UGT2A2: variants seen among roughly 807,000 people sequenced by gnomAD.
UGT2A2 encodes the protein UDP-glucuronosyltransferase 2A2.
In UGT2A2, 60 loss-of-function variants were observed where a neutral mutation model predicts 50.7. That is an observed-to-expected ratio of 1.18 (90% confidence interval 0.96 to 1.47). UGT2A2 has a LOEUF of 1.47. Ranked by LOEUF, UGT2A2 falls within the 40% of genes most tolerant of loss-of-function variation. The probability of loss-of-function intolerance (pLI) is 0.00; values close to 1 mark genes in which losing one functional copy is unlikely to be tolerated. For missense variants in UGT2A2, 762 were observed against 634.0 expected, an observed-to-expected ratio of 1.20 and a Z score of -2.17; for synonymous variants, 242 against 214.6, an observed-to-expected ratio of 1.13 and a Z score of -1.11.
intron 1 of UGT2A2, among the ~76,000 whole-genome samples, chr4:69,609,373 T>G (rs1719891763): frequency 6.6e-6 from 1 of 152,044 alleles, no homozygotes; most frequent in East Asian, 1.9e-4. Flanking sequence ...TTTTTGTTTG[T>G]TTGTGTTGTA....
rs1230904302 is a variant in UGT2A2 at position 69,594,526 on chromosome 4, T to C, written c.1282A>G (p.Thr428Ala). ...AAAGCGCTAAGCAAATCCACACTTG[T>C]CATTGTGTTTAGGTTCACTTCCACA... The part of the protein sequence containing the change: ...AAVEVNLNTM[T>A]SVDLLSALRT... Residue 428 changes from threonine to alanine, a missense_variant, in exon 5 of 6, where the codon ACA becomes GCA. Thr to Ala is a moderately conservative substitution (Grantham distance 58, BLOSUM62 0). Transcript: ENST00000604629. 17 of 1,614,194 alleles carry C rather than the reference T, an allele frequency of 1.1e-5. No homozygotes were observed. Among genetic ancestry groups the C allele is most frequent in the Non-Finnish European group, 1.4e-5 (16 of 1,180,040 alleles).
In UGT2A2 at chr4:69,607,961, C is replaced by A. The variant is rs529169269; in HGVS notation, c.743-8567G>T. ...ATGTCGAGAAATAGGAACACTTTTA[C>A]ACTGTTGGTGGGACTGTAAACTAGT... On this transcript the variant is annotated intron_variant, in intron 1 of 5. Coordinates refer to ENST00000604629, the MANE Select transcript of UGT2A2 (RefSeq NM_001105677.2). Among the ~76,000 whole-genome samples the A allele has an allele frequency of 4.6e-5, 7 of 152,312 alleles. No individual in the cohort carries two copies. The East Asian group carries it at 1.4e-3, about 29-fold the overall frequency.
chr4:69,592,859 T>C (rs547785858), intron 5 of UGT2A2, among the ~76,000 whole-genome samples: 52 of 152,222 alleles, frequency 3.4e-4, no homozygotes, highest in African/African-American at 1.3e-3. Flanking sequence ...TTATCTTAGA[T>C]TAACATTGTT....
intron 1 of UGT2A2, among the ~76,000 whole-genome samples, chr4:69,626,228 C>T (rs1038495993): frequency 1.3e-5 from 2 of 150,788 alleles, no homozygotes; most frequent in South Asian, 2.1e-4. Context: ...CCATTAGAAG[C>T]TTGCGTTTAA....
At chr4:69,612,681 G>A (rs988481485) in intron 1 of UGT2A2, among the ~76,000 whole-genome samples, 2 of 151,972 alleles carry the variant, frequency 1.3e-5, no homozygotes, top group African/African-American at 2.4e-5. Context: ...GCCATATGCA[G>A]AAGAAAGAAA....
rs976969425 is a variant in UGT2A2 at position 69,605,373 on chromosome 4, C to T, written c.743-5979G>A. ...AAATAAAGATGTTCTTTGAAACTAA[C>T]GACAACAAAGACACAACATACCAGA... On this transcript the variant is annotated intron_variant, in intron 1 of 5. Transcript: ENST00000604629. 1.3e-4 allele frequency among the ~76,000 whole-genome samples: 18 copies of T among 136,588 alleles called. 2 individuals are homozygous for T. Among genetic ancestry groups the T allele is most frequent in the East Asian group, 4.1e-4 (2 of 4,854 alleles). 89.6% of individuals were successfully genotyped at this position (136,588 alleles called of 152,430 possible).
At chr4:69,599,156 C>T in intron 2 of UGT2A2, 90 bp downstream of exon 2, 1 of 1,450,450 alleles carries the variant, frequency 6.9e-7, no homozygotes, top group Non-Finnish European at 9.1e-7. Flanking sequence ...TGTCCAGCAG[C>T]ATTTATTTGT....
intron 1 of UGT2A2, among the ~76,000 whole-genome samples, chr4:69,628,359 A>G (rs1721206643): frequency 1.3e-5 from 2 of 151,946 alleles, no homozygotes; most frequent in Admixed American, 1.3e-4. Flanking sequence ...GTTTCAAAAT[A>G]CACTACAAAG....
At chr4:69,607,831 A>G (rs1287520548) in intron 1 of UGT2A2, among the ~76,000 whole-genome samples, 1 of 152,222 alleles carries the variant, frequency 6.6e-6, no homozygotes, top group African/African-American at 2.4e-5. Context: ...GCTCATCATC[A>G]CTGGCCATCA....
intron 1 of UGT2A2, among the ~76,000 whole-genome samples, chr4:69,637,438 AGTTAGTT>A (rs1367368960): frequency 1.3e-5 from 2 of 152,146 alleles, no homozygotes; most frequent in African/African-American, 4.8e-5. Flanking sequence ...AGTAAGATCA[AGTTAGTT>A]TATGAGTATT....
intron 1 of UGT2A2, among the ~76,000 whole-genome samples, chr4:69,620,019 G>T (rs1294329878): frequency 1.3e-5 from 2 of 151,896 alleles, no homozygotes; most frequent in Non-Finnish European, 2.9e-5. Context: ...CAAACCCCCA[G>T]CCAACACCAT....
At chr4:69,596,528 T>G in intron 2 of UGT2A2, 147 bp from the exon 3 acceptor site, 1 of 1,239,618 alleles carries the variant, frequency 8.1e-7, no homozygotes, top group African/African-American at 1.6e-5. Flanking sequence ...AGATCTAGTT[T>G]CTATATTTTT....
At chr4:69,610,953 A>C (rs1329730708) in intron 1 of UGT2A2, among the ~76,000 whole-genome samples, 1 of 152,124 alleles carries the variant, frequency 6.6e-6, no homozygotes, top group East Asian at 1.9e-4. Context: ...GTTAGTTCAC[A>C]TTTCCTTATG....
At chr4:69,596,423 A>G (rs906307161) in intron 2 of UGT2A2, 42 bp from the exon 3 acceptor site, 8 of 1,433,412 alleles carry the variant, frequency 5.6e-6, no homozygotes, top group Middle Eastern at 1.9e-4. Context: ...GTGTAGCATC[A>G]TAAGAAAAAA....
chr4:69,594,538 G>C lies in UGT2A2; in HGVS notation c.1270C>G (p.Leu424Val), dbSNP rs754846960. 2.5e-6 allele frequency: 4 copies of C among 1,614,006 alleles called. No homozygotes were observed. The highest frequency in any genetic ancestry group is 1.3e-5 in the African/African-American group (1 of 74,896). ...AAATCCACACTTGTCATTGTGTTTA[G>C]GTTCACTTCCACAGCTGCTCCTTTG... is the stretch of plus-strand genomic sequence containing the variant. ...KAKGAAVEVN[L>V]NTMTSVDLLS... Residue 424 changes from leucine (L) to valine (V), a missense_variant, in exon 5 of 6, where the codon CTA becomes GTA. By Grantham distance (32) the Leu-to-Val change is conservative. Transcript: ENST00000604629.
chr4:69,614,859 A>G (rs767310952), intron 1 of UGT2A2, among the ~76,000 whole-genome samples: 1 of 152,020 alleles, frequency 6.6e-6, no homozygotes, highest in Non-Finnish European at 1.5e-5. Flanking sequence ...GGTTTAATTG[A>G]CCCACAGTTC....
intron 4 of UGT2A2, 97 bp from the exon 5 acceptor site, chr4:69,594,793 T>C: frequency 7.3e-7 from 1 of 1,369,372 alleles, no homozygotes. Flanking sequence ...TGTAACTCTC[T>C]AAAGAAGGAT....
chr4:69,626,443 T>C (rs1721064896), intron 1 of UGT2A2, among the ~76,000 whole-genome samples: 1 of 151,644 alleles, frequency 6.6e-6, no homozygotes, highest in South Asian at 2.1e-4. Flanking sequence ...TTCTAGTTGT[T>C]TTATGACCTG....
At chr4:69,630,533 C>A (rs1429505788) in intron 1 of UGT2A2, among the ~76,000 whole-genome samples, 1 of 152,030 alleles carries the variant, frequency 6.6e-6, no homozygotes, top group Non-Finnish European at 1.5e-5. Flanking sequence ...GTACTCTAAG[C>A]TACTACAAAT....
Sources: gnomAD v4.1 joint callset for allele counts (sites outside exome capture counted in the v4.1 genomes callset) on GRCh38, gnomAD v4.1.1 for gene constraint, MANE v1.5 for transcripts, NCBI Gene and HGNC (gene_info 2026-07-23, HGNC 2026-07-21) for gene names.